The following NETO1 variants were observed in gnomAD, a reference collection of about 807,000 sequenced individuals.
NETO1 encodes neuropilin and tolloid-like protein 1.
A neutral mutation model predicts 61.3 loss-of-function variants in NETO1; 26 were observed. The ratio of observed to expected loss-of-function variants is 0.42; its 90% CI spans 0.31 to 0.59. The LOEUF (loss-of-function observed/expected upper bound fraction) is 0.59, where lower values mean the gene tolerates loss of function less well. Among genes scored for constraint, NETO1 ranks in the 20% least tolerant of loss-of-function variants. The pLI, the probability that NETO1 is intolerant of heterozygous loss-of-function variation, is 0.12. For synonymous variants in NETO1, 225 were observed against 225.8 expected (o/e 1.00, Z 0.03); for missense variants, 531 against 662.8 (o/e 0.80, Z 2.18).
chr18:72,841,453 C>T (rs920071716), intron 4 of NETO1, among the ~76,000 whole-genome samples: 1 of 151,900 alleles, frequency 6.6e-6, no homozygotes, highest in African/African-American at 2.4e-5. Context: ...GCCATTTTGG[C>T]CGGGTGCGGT....
intron 4 of NETO1, among the ~76,000 whole-genome samples, chr18:72,819,101 C>T (rs1372793669): frequency 6.6e-6 from 1 of 152,060 alleles, no homozygotes; most frequent in Non-Finnish European, 1.5e-5. Context: ...GTCTTCCTCC[C>T]TTTTATCCCT....
intron 4 of NETO1, among the ~76,000 whole-genome samples, chr18:72,835,719 G>A (rs575901143): frequency 3.9e-5 from 6 of 152,144 alleles, no homozygotes; most frequent in Non-Finnish European, 8.8e-5. Flanking sequence ...TAAATTTGAG[G>A]AAGAAATGGG....
At chr18:72,750,756 ATAACT>A (rs913545744) in intron 8 of NETO1, 136 bp from the exon 9 acceptor site, 16 of 594,230 alleles carry the variant, frequency 2.7e-5, no homozygotes, top group African/African-American at 2.6e-4. Context: ...CAGGCTTATA[ATAACT>A]TAAGAAAATA....
chr18:72,821,193 A>G (rs545604476), intron 4 of NETO1, among the ~76,000 whole-genome samples: 1 of 145,988 alleles, frequency 6.8e-6, no homozygotes, highest in Non-Finnish European at 1.5e-5. Flanking sequence ...CTGTCTCCTG[A>G]AGCAGTTTTT....
At chr18:72,860,478 A>G (rs905527161) in intron 3 of NETO1, among the ~76,000 whole-genome samples, 2 of 152,242 alleles carry the variant, frequency 1.3e-5, no homozygotes, top group East Asian at 3.8e-4. Flanking sequence ...GGAGACCTAC[A>G]GAATAAAATG....
In NETO1 at chr18:72,795,332, G is replaced by A. The variant is rs568836812; in HGVS notation, c.470-928C>T. On this transcript the variant is annotated intron_variant, in intron 4 of 10. Transcript: ENST00000327305. ...CATTGCAGTCATGCTTGTATCGGAC[G>A]TCGTGGAATCATGCGTTAGCCAACT... 4.0e-4 allele frequency among the ~76,000 whole-genome samples: 61 copies of A among 152,218 alleles called. No individual in the cohort carries two copies. The Middle Eastern group carries it at 0.014, about 34-fold the overall frequency.
intron 4 of NETO1, among the ~76,000 whole-genome samples, chr18:72,816,914 A>G (rs906777137): frequency 5.3e-5 from 8 of 152,120 alleles, no homozygotes; most frequent in African/African-American, 1.9e-4. Context: ...AGACTCTAAG[A>G]TGATGTCGTG....
chr18:72,797,469 T>A (rs1365640848), intron 4 of NETO1, among the ~76,000 whole-genome samples: 3 of 152,210 alleles, frequency 2.0e-5, no homozygotes, highest in Non-Finnish European at 2.9e-5. Context: ...TATTCTTTTT[T>A]AAAAACAGCC....
intron 7 of NETO1, among the ~76,000 whole-genome samples, chr18:72,772,390 C>T (rs1325584435): frequency 6.6e-6 from 1 of 151,976 alleles, no homozygotes; most frequent in Non-Finnish European, 1.5e-5. Context: ...TCATCTAAGT[C>T]TCATCGGTTC....
At chr18:72,849,245 A>T (rs1219649176) in intron 4 of NETO1, among the ~76,000 whole-genome samples, 1 of 152,226 alleles carries the variant, frequency 6.6e-6, no homozygotes, top group African/African-American at 2.4e-5. Flanking sequence ...TTTTTTATTT[A>T]TCCATATAAC....
At chr18:72,842,300 T>A (rs1490648327) in intron 4 of NETO1, among the ~76,000 whole-genome samples, 1 of 152,216 alleles carries the variant, frequency 6.6e-6, no homozygotes, top group Non-Finnish European at 1.5e-5. Flanking sequence ...ATATTATATG[T>A]ATACACATGT....
At chr18:72,804,311 A>G (rs1489073384) in intron 4 of NETO1, among the ~76,000 whole-genome samples, 2 of 152,190 alleles carry the variant, frequency 1.3e-5, no homozygotes, top group Non-Finnish European at 2.9e-5. Flanking sequence ...CCTTCTTCTA[A>G]AAGAACTCTA....
rs1420316357 is a variant in NETO1 at position 72,746,417 on chromosome 18, A to C, written c.*1762T>G. On this transcript the variant is annotated 3_prime_UTR_variant, in exon 11 of 11. Coordinates refer to ENST00000327305, the MANE Select transcript of NETO1 (RefSeq NM_138966.5). ...AGCAATGTGTATAAAACTATGTAGCATAACAATGAAAAATAATCTTTGTCA... is the reference window on the plus strand; with the variant it reads ...AGCAATGTGTATAAAACTATGTAGCCTAACAATGAAAAATAATCTTTGTCA... Among the ~76,000 whole-genome samples, 1 of 152,178 alleles carries C rather than the reference A, an allele frequency of 6.6e-6. No homozygotes were observed. Among genetic ancestry groups the C allele is most frequent in the Non-Finnish European group, 1.5e-5 (1 of 68,012 alleles).
intron 3 of NETO1, among the ~76,000 whole-genome samples, chr18:72,861,250 C>T (rs747793883): frequency 3.3e-5 from 5 of 152,170 alleles, no homozygotes; most frequent in Non-Finnish European, 7.3e-5. Flanking sequence ...GATTTATTTT[C>T]TTTTGGTCCA....
intron 4 of NETO1, among the ~76,000 whole-genome samples, chr18:72,829,311 T>C (rs1469833699): frequency 6.6e-6 from 1 of 152,182 alleles, no homozygotes; most frequent in Non-Finnish European, 1.5e-5. Flanking sequence ...TTCCTCAAGC[T>C]GATCTATAGA....
chr18:72,839,890 G>A (rs1484496533), intron 4 of NETO1, among the ~76,000 whole-genome samples: 1 of 152,192 alleles, frequency 6.6e-6, no homozygotes, highest in Non-Finnish European at 1.5e-5. Context: ...AAGAGGGACA[G>A]ACTTTTTATC....
At position 72,808,320 on chromosome 18, in the gene NETO1, G is replaced by A. The variant is rs189793402; in HGVS notation, c.470-13916C>T. Among the ~76,000 whole-genome samples, 624 of 152,246 alleles carry A rather than the reference G, an allele frequency of 4.1e-3. 14 individuals are homozygous for A. The highest frequency in any genetic ancestry group is 4.6e-3 in the East Asian group (24 of 5,170). ...GAGTGTCTAGGAATAACGAAGTGCA[G>A]TCTTTGGGACCCAGGCTTACAAGCG... On this transcript the variant is annotated intron_variant, in intron 4 of 10. Coordinates refer to ENST00000327305, the MANE Select transcript of NETO1 (RefSeq NM_138966.5).
chr18:72,750,905 ACACACAC>A, intron 8 of NETO1, among the ~76,000 whole-genome samples: 1 of 149,566 alleles, frequency 6.7e-6, no homozygotes, highest in South Asian at 2.1e-4. Flanking sequence ...ACACACACAC[ACACACAC>A]AATCCTCTAT....
chr18:72,744,708 C>G lies in NETO1; in HGVS notation c.*3471G>C, dbSNP rs1463765769. 1 of 152,168 alleles carries G rather than the reference C, an allele frequency of 6.6e-6. No individual in the cohort carries two copies. The highest frequency in any genetic ancestry group is 1.5e-5 in the Non-Finnish European group (1 of 68,036). The allele number at this position is 152,168 out of a possible 1,614,324, so 9.4% of individuals were successfully genotyped here. A position where few individuals can be genotyped will look rare whatever the true frequency, so the allele number is the denominator to read the frequency against. On this transcript the variant is annotated 3_prime_UTR_variant, in exon 11 of 11. Transcript: ENST00000327305. ...ACTTCCCTTCAGAGAGGGAATCTGA[C>G]ATGACTCATTTTCATCAGAGATACA...
Sources: allele counts gnomAD v4.1 joint callset (sites outside exome capture counted in the v4.1 genomes callset), GRCh38; gene constraint gnomAD v4.1.1; transcripts MANE v1.5; gene names NCBI Gene and HGNC (gene_info 2026-07-23, HGNC 2026-07-21).